Variants in PAK5 observed in about 807,000 individuals in gnomAD.
PAK5 encodes the protein serine/threonine-protein kinase PAK 5.
Under a neutral mutation model 65.9 loss-of-function variants are expected in PAK5, and 16 were observed. The ratio of observed to expected loss-of-function variants is 0.24; its 90% CI spans 0.16 to 0.37. The LOEUF is 0.37. PAK5 is among the 10% of genes least tolerant of loss of function. The pLI is 1.00. For synonymous variants in PAK5, 371 were observed against 354.9 expected, an observed-to-expected ratio of 1.05 and a Z score of -0.51; for missense variants, 785 against 903.9, an observed-to-expected ratio of 0.87 and a Z score of 1.69.
At chr20:9,588,881 C>T (rs1385292295) in intron 3 of PAK5, among the ~76,000 whole-genome samples, 5 of 152,132 alleles carry the variant, frequency 3.3e-5, no homozygotes, top group African/African-American at 4.8e-5. Flanking sequence ...TTCAGGCTCC[C>T]AGTGACAGTG....
At chr20:9,660,140 T>C (rs547851341) in intron 2 of PAK5, among the ~76,000 whole-genome samples, 101 of 152,036 alleles carry the variant, frequency 6.6e-4, no homozygotes, top group Non-Finnish European at 1.2e-3. Context: ...CACCTGAGGC[T>C]CTCAAACCCC....
chr20:9,698,700 G>A (rs946336783), intron 2 of PAK5, among the ~76,000 whole-genome samples: 2 of 152,130 alleles, frequency 1.3e-5, no homozygotes, highest in African/African-American at 4.8e-5. Context: ...CCGGAGCTCA[G>A]AGAGGTTAAG....
intron 2 of PAK5, among the ~76,000 whole-genome samples, chr20:9,698,948 T>C (rs1246000304): frequency 6.6e-6 from 1 of 152,226 alleles, no homozygotes; most frequent in Non-Finnish European, 1.5e-5. Context: ...CTATCTTTCC[T>C]GCACTATAAA....
At chr20:9,703,006 T>C (rs987000189) in intron 2 of PAK5, among the ~76,000 whole-genome samples, 6 of 152,172 alleles carry the variant, frequency 3.9e-5, no homozygotes, top group Non-Finnish European at 7.4e-5. Context: ...GAAGGGAGTG[T>C]CCTCTGGGCC....
chr20:9,641,847 T>C (rs575344540), intron 3 of PAK5, among the ~76,000 whole-genome samples: 1 of 152,278 alleles, frequency 6.6e-6, no homozygotes, highest in East Asian at 1.9e-4. Flanking sequence ...AAGTTCCCCA[T>C]TGCCCGGGGC....
intron 2 of PAK5, among the ~76,000 whole-genome samples, chr20:9,691,590 T>C (rs531069936): frequency 7.4e-4 from 113 of 152,272 alleles, no homozygotes; most frequent in African/African-American, 2.7e-3. Context: ...GACAAAAATT[T>C]GTGAAGACAT....
At chr20:9,803,959 A>T (rs117573649) in intron 1 of PAK5, among the ~76,000 whole-genome samples, 1 of 152,308 alleles carries the variant, frequency 6.6e-6, no homozygotes, top group Non-Finnish European at 1.5e-5. Context: ...ATGGGAAAGA[A>T]AATTCAAATA....
rs755360297 is a variant in PAK5, at chr20:9,676,317, GC to G, written c.-11-31979del. On this transcript the variant is annotated intron_variant, in intron 2 of 9. Transcript: ENST00000353224. Reference sequence around the variant, plus strand: ...GCCAAACCATATCAAACTGCTTTAGGCAATATATGAATTATTTAAATTGGGT... The same window carrying G: ...GCCAAACCATATCAAACTGCTTTAGGAATATATGAATTATTTAAATTGGGT... Among the ~76,000 whole-genome samples the G allele has an allele frequency of 9.2e-4, 140 of 151,668 alleles. 1 individual carries two copies. The highest frequency in any genetic ancestry group is 1.5e-3 in the Non-Finnish European group (101 of 67,934).
At chr20:9,635,459 C>A (rs1189313605) in intron 3 of PAK5, among the ~76,000 whole-genome samples, 1 of 152,066 alleles carries the variant, frequency 6.6e-6, no homozygotes, top group Non-Finnish European at 1.5e-5. Context: ...CTGGCCATAT[C>A]CCCCACCCCT....
In PAK5 at chr20:9,580,559, A is replaced by G; in HGVS notation, c.576T>C (p.Phe192=). ...YSEVKPLKSD[F]ARFSADYHSH... is the part of the protein sequence containing the mutation. Reference sequence around the variant, plus strand: ...AGTGATAATCGGCAGAAAATCTGGCAAAATCGGATTTCAAAGGCTTCACCT... The same window carrying G: ...AGTGATAATCGGCAGAAAATCTGGCGAAATCGGATTTCAAAGGCTTCACCT... The change falls in exon 4 of 10, where the codon TTT becomes TTC. Residue 192 remains phenylalanine (F), a synonymous_variant. Coordinates refer to ENST00000353224, the MANE Select transcript of PAK5 (RefSeq NM_177990.4). 2 of 1,614,148 alleles carry G rather than the reference A, an allele frequency of 1.2e-6. No individual in the cohort carries two copies. Among genetic ancestry groups the G allele is most frequent in the South Asian group, 1.1e-5 (1 of 91,084 alleles).
At chr20:9,596,179 C>T (rs532449736) in intron 3 of PAK5, among the ~76,000 whole-genome samples, 1 of 152,250 alleles carries the variant, frequency 6.6e-6, no homozygotes, top group African/African-American at 2.4e-5. Context: ...TTAAGTAGTC[C>T]TCAGCAATTT....
At chr20:9,609,987 C>CTTTTG (rs536279213) in intron 3 of PAK5, among the ~76,000 whole-genome samples, 7 of 150,054 alleles carry the variant, frequency 4.7e-5, no homozygotes, top group East Asian at 2.1e-4. Flanking sequence ...AGTGTAGTAG[C>CTTTTG]TTTTGTTTTG....
intron 9 of PAK5, among the ~76,000 whole-genome samples, chr20:9,540,119 T>G (rs1166693575): frequency 6.6e-6 from 1 of 152,212 alleles, no homozygotes; most frequent in East Asian, 1.9e-4. Flanking sequence ...TCTTACTTTA[T>G]GTATATATTT....
In PAK5 at chr20:9,621,099, G is replaced by A. The variant is rs138075103; in HGVS notation, c.204+23026C>T. ...AGAGCATCTCTGTTGATTCAAGCACGACACAAAAGAGAGTGTCTGGAAATA... is the reference window on the plus strand; with the variant it reads ...AGAGCATCTCTGTTGATTCAAGCACAACACAAAAGAGAGTGTCTGGAAATA... On this transcript the variant is annotated intron_variant, in intron 3 of 9. Coordinates refer to ENST00000353224, the MANE Select transcript of PAK5 (RefSeq NM_177990.4). 2.6e-5 allele frequency among the ~76,000 whole-genome samples: 4 copies of A among 151,924 alleles called. No homozygotes were observed. The South Asian group carries it at 8.3e-4, about 32-fold the overall frequency.
intron 1 of PAK5, among the ~76,000 whole-genome samples, chr20:9,798,004 C>A (rs1317114517): frequency 6.6e-6 from 1 of 151,998 alleles, no homozygotes; most frequent in Non-Finnish European, 1.5e-5. Flanking sequence ...GAAGGCTGTT[C>A]TGGAAAAGAA....
chr20:9,562,663 A>G (rs1418762105), intron 6 of PAK5, among the ~76,000 whole-genome samples: 2 of 152,326 alleles, frequency 1.3e-5, no homozygotes, highest in South Asian at 2.1e-4. Context: ...CTTATTTTAA[A>G]TCAATGGGTA....
chr20:9,822,316 C>T (rs1245032700), intron 1 of PAK5, among the ~76,000 whole-genome samples: 4 of 147,744 alleles, frequency 2.7e-5, no homozygotes, highest in African/African-American at 1.0e-4. Flanking sequence ...AAAGCAATTA[C>T]ATTACATTAC....
chr20:9,628,961 T>C (rs1301985271), intron 3 of PAK5, among the ~76,000 whole-genome samples: 2 of 152,200 alleles, frequency 1.3e-5, no homozygotes, highest in African/African-American at 2.4e-5. Flanking sequence ...CTCCATGTGA[T>C]CTCAGAGCAT....
At chr20:9,663,788 A>G (rs550855222) in intron 2 of PAK5, among the ~76,000 whole-genome samples, 8 of 152,266 alleles carry the variant, frequency 5.3e-5, no homozygotes, top group African/African-American at 1.9e-4. Flanking sequence ...GAAGATGCGA[A>G]CTTTTTGAAT....
Sources: gnomAD v4.1 joint callset for allele counts (sites outside exome capture counted in the v4.1 genomes callset) on GRCh38, gnomAD v4.1.1 for gene constraint, MANE v1.5 for transcripts, NCBI Gene and HGNC (gene_info 2026-07-23, HGNC 2026-07-21) for gene names.